TATDN1: variants seen among roughly 807,000 people sequenced by gnomAD.
TATDN1 encodes the protein TatD DNase domain containing 1.
In TATDN1, 40 loss-of-function variants were observed where a neutral mutation model predicts 46.4. That is an observed-to-expected ratio of 0.86 (90% CI 0.67 to 1.12). The LOEUF (loss-of-function observed/expected upper bound fraction) is 1.12, where lower values mean the gene tolerates loss of function less well. Among genes scored for constraint, TATDN1 ranks in the 50% most tolerant of loss-of-function variants. The pLI, the probability that TATDN1 is intolerant of heterozygous loss-of-function variation, is 0.00. For missense variants in TATDN1, 326 were observed against 348.4 expected (o/e 0.94, Z 0.51); for synonymous variants, 95 against 105.6 (o/e 0.90, Z 0.62).
chr8:124,504,513 A>G, intron 8 of TATDN1, 166 bp from the exon 9 acceptor site: 1 of 427,124 alleles, frequency 2.3e-6, no homozygotes, highest in Admixed American at 4.2e-5. Flanking sequence ...ATTATTTTTC[A>G]CAATTACAAC....
Position 124,493,927 on chromosome 8 carries a change from C to CATGT in TATDN1, c.693_696dup (p.Ala233ThrfsTer28). The CATGT allele has an allele frequency of 6.2e-7, 1 of 1,612,642 alleles. No individual in the cohort carries two copies. Among genetic ancestry groups the CATGT allele is most frequent in the Non-Finnish European group, 8.5e-7 (1 of 1,179,774 alleles). On this transcript the variant is annotated frameshift_variant, in exon 11 of 12. Transcript: ENST00000276692. LOFTEE classifies it high-confidence loss of function. Reference sequence around the variant, plus strand: ...GCAGTTCTTATATATTTTGATCCAGCATGTGTACTTTTGACTCCACACCAA... The same window carrying CATGT: ...GCAGTTCTTATATATTTTGATCCAGCATGTATGTGTACTTTTGACTCCACACCAA...
chr8:124,517,547 AT>A (rs1443105440), intron 4 of TATDN1, among the ~76,000 whole-genome samples: 1 of 152,202 alleles, frequency 6.6e-6, no homozygotes, highest in Non-Finnish European at 1.5e-5. Context: ...ACACATCAGT[AT>A]TTTAAAATAC....
intron 1 of TATDN1, among the ~76,000 whole-genome samples, chr8:124,530,036 A>T (rs1462766864): frequency 6.6e-6 from 1 of 152,074 alleles, no homozygotes; most frequent in Non-Finnish European, 1.5e-5. Flanking sequence ...GGTTATAGTG[A>T]GCTGAGATCT....
intron 1 of TATDN1, among the ~76,000 whole-genome samples, chr8:124,524,700 T>C (rs1820335810): frequency 6.6e-6 from 1 of 152,190 alleles, no homozygotes; most frequent in African/African-American, 2.4e-5. Flanking sequence ...GGGAAGGTTT[T>C]GCAGAAGGGG....
intron 1 of TATDN1, among the ~76,000 whole-genome samples, chr8:124,537,826 GC>G: frequency 6.6e-6 from 1 of 151,734 alleles, no homozygotes; most frequent in South Asian, 2.1e-4. Context: ...CTTTTTCCTG[GC>G]ACTTAACATA....
chr8:124,490,771 G>A (rs1344045582), intron 11 of TATDN1, among the ~76,000 whole-genome samples: 1 of 149,664 alleles, frequency 6.7e-6, no homozygotes, highest in African/African-American at 2.5e-5. Context: ...TTTTTTGAGA[G>A]AGTCTTACAC....
rs763856135 is a variant in TATDN1 at position 124,515,904 on chromosome 8, A to G, written c.329T>C (p.Ile110Thr). The part of the protein sequence containing the change: ...AENNKGKVVA[I>T]GECGLDFDRL... ...GCACTCACCAAGTCCGCATTCTCCT[A>G]TTGCCACAACTTTCCCTTTATTGTT... The change falls in exon 5 of 12, where the codon ATA becomes ACA. Residue 110 changes from isoleucine to threonine, a missense_variant. Physicochemically the swap from Ile to Thr is moderately conservative, Grantham distance 89. Coordinates refer to ENST00000276692, the MANE Select transcript of TATDN1 (RefSeq NM_032026.4). The G allele has an allele frequency of 4.3e-6, 7 of 1,614,082 alleles. No homozygotes were observed. In the South Asian group the frequency reaches 4.4e-5, roughly 10 times the overall value.
At chr8:124,517,365 T>C (rs985413760) in intron 4 of TATDN1, among the ~76,000 whole-genome samples, 42 of 151,214 alleles carry the variant, frequency 2.8e-4, no homozygotes, top group African/African-American at 1.0e-3. Flanking sequence ...GAGGCAGAGG[T>C]TGCCGTGAGC....
chr8:124,532,766 G>A (rs767840160), intron 1 of TATDN1, among the ~76,000 whole-genome samples: 1 of 151,616 alleles, frequency 6.6e-6, no homozygotes, highest in Admixed American at 6.6e-5. Context: ...TGGGCAGATC[G>A]GGCAGTTGGC....
At chr8:124,531,995 C>A (rs762515515) in intron 1 of TATDN1, among the ~76,000 whole-genome samples, 1 of 152,126 alleles carries the variant, frequency 6.6e-6, no homozygotes, top group Non-Finnish European at 1.5e-5. Context: ...CCATTTCCCT[C>A]TTCCAGACTC....
At position 124,500,753 on chromosome 8, in the gene TATDN1, T is replaced by TAAA. The variant is rs34661601; in HGVS notation, c.593+3515_593+3517dup. Among the ~76,000 whole-genome samples the TAAA allele has an allele frequency of 2.4e-4, 33 of 140,394 alleles. No individual in the cohort carries two copies. The South Asian group carries it at 2.5e-3, about 10-fold the overall frequency. 92.1% of individuals were successfully genotyped at this position (140,394 alleles called of 152,430 possible). On this transcript the variant is annotated intron_variant, in intron 9 of 11. Transcript: ENST00000276692. ...ATAAAGATCTTCTACCCCCTTCTCT[T>TAAA]AAAAAAAAAAAAACAAAACCAAACT...
chr8:124,498,086 C>T (rs1817640796), intron 9 of TATDN1, among the ~76,000 whole-genome samples: 1 of 152,094 alleles, frequency 6.6e-6, no homozygotes, highest in African/African-American at 2.4e-5. Context: ...TTCTATTTAT[C>T]TTGGCCTTTT....
chr8:124,493,165 C>T (rs909252810), intron 11 of TATDN1, among the ~76,000 whole-genome samples: 3 of 152,202 alleles, frequency 2.0e-5, no homozygotes, highest in African/African-American at 7.2e-5. Context: ...TTTTACCCCT[C>T]ATGAAGACAC....
At chr8:124,497,473 A>G (rs1026969309) in intron 9 of TATDN1, among the ~76,000 whole-genome samples, 16 of 151,796 alleles carry the variant, frequency 1.1e-4, no homozygotes, top group Non-Finnish European at 2.4e-4. Flanking sequence ...TTTAGTAGAG[A>G]GGGGGGTTTC....
At chr8:124,515,308 G>A (rs1342677093) in intron 6 of TATDN1, among the ~76,000 whole-genome samples, 1 of 152,110 alleles carries the variant, frequency 6.6e-6, no homozygotes, top group Non-Finnish European at 1.5e-5. Flanking sequence ...TTGAACCCAG[G>A]AGGTGGAGGT....
Position 124,492,092 on chromosome 8 carries a change from A to G in TATDN1, c.791+1741T>C, listed in dbSNP as rs556691430. Among the ~76,000 whole-genome samples, 154 of 151,428 alleles carry G rather than the reference A, an allele frequency of 1.0e-3. 1 individual carries two copies. The highest frequency in any genetic ancestry group is 3.6e-3 in the African/African-American group (149 of 41,196). ...CAGGTTCAAGCGATTCTCCTGCCTC[A>G]GCCTCCTGAGTAGCTGGCATTACGG... On this transcript the variant is annotated intron_variant, in intron 11 of 11. Coordinates refer to ENST00000276692, the MANE Select transcript of TATDN1 (RefSeq NM_032026.4).
At chr8:124,493,098 A>C (rs554842156) in intron 11 of TATDN1, among the ~76,000 whole-genome samples, 2 of 152,354 alleles carry the variant, frequency 1.3e-5, no homozygotes, top group African/African-American at 4.8e-5. Context: ...TACTGAAAAA[A>C]AAGATGGTGC....
intron 4 of TATDN1, among the ~76,000 whole-genome samples, chr8:124,517,135 A>G (rs760479646): frequency 2.6e-5 from 4 of 152,242 alleles, no homozygotes; most frequent in Non-Finnish European, 5.9e-5. Context: ...ATCACTAACA[A>G]AAAGTGTCAA....
intron 11 of TATDN1, chr8:124,491,542 CTCTG>C (rs1816992977): frequency 6.6e-6 from 1 of 152,264 alleles, no homozygotes; most frequent in Non-Finnish European, 1.5e-5. Flanking sequence ...CTATCTTGGA[CTCTG>C]TCTGCTTATG....
Sources: gnomAD v4.1 joint callset for allele counts (sites outside exome capture counted in the v4.1 genomes callset) on GRCh38, gnomAD v4.1.1 for gene constraint, MANE v1.5 for transcripts, NCBI Gene and HGNC (gene_info 2026-07-23, HGNC 2026-07-21) for gene names.